Variants in PDE11A observed in about 807,000 individuals in gnomAD.
The protein encoded by PDE11A is dual 3',5'-cyclic-AMP and -GMP phosphodiesterase 11A.
A neutral mutation model predicts 100.5 loss-of-function variants in PDE11A; 100 were observed. That is an observed-to-expected ratio of 1.00 (90% CI 0.85 to 1.18). The LOEUF is 1.18. Ranked by LOEUF, PDE11A falls within the 50% of genes most tolerant of loss-of-function variation. PDE11A has a pLI of 0.00. For missense variants in PDE11A, 1,141 were observed against 1,152.6 expected, an observed-to-expected ratio of 0.99 and a Z score of 0.15; for synonymous variants, 381 against 420.8, an observed-to-expected ratio of 0.91 and a Z score of 1.16.
At chr2:177,678,568 AC>A (rs1295609822) in intron 16 of PDE11A, among the ~76,000 whole-genome samples, 2 of 152,118 alleles carry the variant, frequency 1.3e-5, no homozygotes, top group African/African-American at 4.8e-5. Flanking sequence ...AAGCAGACTG[AC>A]TTTTAGTTGG....
chr2:177,865,708 T>C (rs562238703), intron 5 of PDE11A, among the ~76,000 whole-genome samples: 6 of 152,226 alleles, frequency 3.9e-5, no homozygotes, highest in Non-Finnish European at 8.8e-5. Context: ...TACACATGAA[T>C]GAATAGTGAA....
chr2:177,881,240 T>C (rs1040268615), intron 4 of PDE11A, among the ~76,000 whole-genome samples: 5 of 152,188 alleles, frequency 3.3e-5, no homozygotes, highest in African/African-American at 9.6e-5. Context: ...CCTGGTTCTC[T>C]AGCTTGCAGA....
At chr2:177,699,581 T>C (rs1195719510) in intron 14 of PDE11A, among the ~76,000 whole-genome samples, 1 of 152,204 alleles carries the variant, frequency 6.6e-6, no homozygotes, top group Non-Finnish European at 1.5e-5. Flanking sequence ...CTCCCTGAAA[T>C]ACTGCATCTA....
At chr2:177,916,640 C>T (rs1371733852) in intron 2 of PDE11A, among the ~76,000 whole-genome samples, 1 of 152,214 alleles carries the variant, frequency 6.6e-6, no homozygotes, top group African/African-American at 2.4e-5. Context: ...TGGAACGATT[C>T]TCAAAGTGGG....
chr2:177,946,127 C>T (rs1444786555), intron 2 of PDE11A, among the ~76,000 whole-genome samples: 1 of 118,988 alleles, frequency 8.4e-6, no homozygotes, highest in Non-Finnish European at 1.8e-5. Context: ...TCCGCCCGGC[C>T]AGCCGCCCCG....
chr2:177,727,407 T>G (rs2081615669), intron 12 of PDE11A, among the ~76,000 whole-genome samples: 1 of 152,136 alleles, frequency 6.6e-6, no homozygotes. Context: ...AGAACAAGTT[T>G]ACCAAGAAAA....
intron 6 of PDE11A, among the ~76,000 whole-genome samples, chr2:177,835,026 A>G (rs115411246): frequency 0.011 from 1,598 of 152,122 alleles, 40 homozygotes; most frequent in African/African-American, 0.037. Context: ...AAGGAACGCA[A>G]AGGTTATGAC....
At chr2:177,999,951 C>A (rs1390396197) in intron 2 of PDE11A, among the ~76,000 whole-genome samples, 1 of 152,154 alleles carries the variant, frequency 6.6e-6, no homozygotes, top group Non-Finnish European at 1.5e-5. Flanking sequence ...CCAGCTTGGG[C>A]CCTCCCTTGG....
intron 9 of PDE11A, among the ~76,000 whole-genome samples, chr2:177,780,561 G>C (rs2082440313): frequency 6.6e-6 from 1 of 152,194 alleles, no homozygotes; most frequent in African/African-American, 2.4e-5. Flanking sequence ...TCTTCTTCCA[G>C]TAGAAAGCTG....
chr2:178,000,580 T>C (rs927240263), intron 2 of PDE11A, among the ~76,000 whole-genome samples: 1 of 152,194 alleles, frequency 6.6e-6, no homozygotes, highest in African/African-American at 2.4e-5. Context: ...CAACCATAAA[T>C]TTAAAAATGT....
chr2:177,747,154 A>G (rs1335129402), intron 10 of PDE11A, among the ~76,000 whole-genome samples: 1 of 152,220 alleles, frequency 6.6e-6, no homozygotes, highest in African/African-American at 2.4e-5. Context: ...TTGTCTCCAT[A>G]TAACAGTACT....
At chr2:177,783,810 T>C (rs537523024) in intron 9 of PDE11A, among the ~76,000 whole-genome samples, 78 of 152,372 alleles carry the variant, frequency 5.1e-4, no homozygotes, top group African/African-American at 1.8e-3. Context: ...CTATAAGCAT[T>C]GTTAAACTGG....
chr2:177,660,986 G>A (rs2080477822), intron 19 of PDE11A, among the ~76,000 whole-genome samples: 1 of 152,102 alleles, frequency 6.6e-6, no homozygotes, highest in South Asian at 2.1e-4. Context: ...CCAGCCGTGG[G>A]GTGCCCTGGG....
At chr2:177,763,972 A>T (rs936441324) in intron 10 of PDE11A, among the ~76,000 whole-genome samples, 4 of 152,184 alleles carry the variant, frequency 2.6e-5, no homozygotes, top group Non-Finnish European at 5.9e-5. Flanking sequence ...CATAAGGCAG[A>T]CACATCTCCT....
intron 1 of PDE11A, among the ~76,000 whole-genome samples, chr2:178,040,061 CTTTT>C (rs5836641): frequency 1.8e-5 from 2 of 109,730 alleles, no homozygotes; most frequent in African/African-American, 3.4e-5. Flanking sequence ...AATGTAGTGG[CTTTT>C]TTTTTTTTTT....
exon 1 of PDE11A, chr2:178,108,265 A>C (rs1319592434): frequency 2.0e-5 from 3 of 152,290 alleles, no homozygotes; most frequent in African/African-American, 7.2e-5. Context: ...TGGAACAGCC[A>C]CCTGGCCAGA....
At chr2:178,051,352 G>A (rs559566468) in intron 1 of PDE11A, among the ~76,000 whole-genome samples, 5 of 152,276 alleles carry the variant, frequency 3.3e-5, no homozygotes, top group Admixed American at 2.0e-4. Context: ...AGCTCCTGAA[G>A]GAAGCACTAA....
intron 2 of PDE11A, among the ~76,000 whole-genome samples, chr2:177,956,245 C>T (rs1280606825): frequency 3.9e-5 from 6 of 152,084 alleles, no homozygotes; most frequent in South Asian, 2.1e-4. Context: ...AAAAAGTGGG[C>T]GAAGGATATG....
chr2:177,818,442 C>A (rs890304686), intron 7 of PDE11A, among the ~76,000 whole-genome samples: 8 of 151,796 alleles, frequency 5.3e-5, no homozygotes, highest in African/African-American at 1.7e-4. Context: ...AGGTGTGTGA[C>A]CTTGGGCACG....
Sources: allele counts gnomAD v4.1 joint callset (sites outside exome capture counted in the v4.1 genomes callset), GRCh38; gene constraint gnomAD v4.1.1; transcripts MANE v1.5; gene names NCBI Gene and HGNC (gene_info 2026-07-23, HGNC 2026-07-21).